The following CAMSAP2 variants were observed in gnomAD, a reference collection of about 807,000 sequenced individuals.
CAMSAP2 encodes calmodulin-regulated spectrin-associated protein 2.
In CAMSAP2, 26 loss-of-function variants were observed where a neutral mutation model predicts 146.1. That is an observed-to-expected ratio of 0.18 (90% confidence interval 0.13 to 0.25). The LOEUF (loss-of-function observed/expected upper bound fraction) is 0.25. Among genes scored for constraint, CAMSAP2 ranks in the 10% least tolerant of loss-of-function variants. CAMSAP2 has a pLI of 1.00. For missense variants in CAMSAP2, 1,381 were observed against 1,759.3 expected (o/e 0.78, Z 3.85); for synonymous variants, 499 against 596.6 (o/e 0.84, Z 2.38).
intron 3 of CAMSAP2, among the ~76,000 whole-genome samples, chr1:200,810,262 G>C (rs71635511): frequency 6.6e-6 from 1 of 152,012 alleles, no homozygotes; most frequent in Admixed American, 6.6e-5. Flanking sequence ...TGACTCTTCC[G>C]GTCTATTGGA....
chr1:200,755,571 C>T (rs1450222056), intron 1 of CAMSAP2, among the ~76,000 whole-genome samples: 1 of 152,136 alleles, frequency 6.6e-6, no homozygotes, highest in African/African-American at 2.4e-5. Flanking sequence ...ATAATTTAAG[C>T]TCAGGAATGC....
At chr1:200,783,035 G>C (rs971641627) in intron 2 of CAMSAP2, among the ~76,000 whole-genome samples, 2 of 151,622 alleles carry the variant, frequency 1.3e-5, no homozygotes, top group African/African-American at 4.9e-5. Context: ...CAAAGTACTG[G>C]ATTACAGGCC....
chr1:200,744,011 T>C (rs190117101), intron 1 of CAMSAP2, among the ~76,000 whole-genome samples: 1 of 152,270 alleles, frequency 6.6e-6, no homozygotes, highest in African/African-American at 2.4e-5. Context: ...GCTCCTACAC[T>C]GTGTGTCAAG....
chr1:200,846,117 A>G (rs1194716489), intron 8 of CAMSAP2, among the ~76,000 whole-genome samples: 3 of 152,228 alleles, frequency 2.0e-5, no homozygotes, highest in African/African-American at 4.8e-5. Context: ...TTCAAAAATT[A>G]TGAGTAAAAC....
At chr1:200,828,534 C>T (rs1666960808) in intron 4 of CAMSAP2, 1 of 1,547,286 alleles carries the variant, frequency 6.5e-7, no homozygotes, top group Admixed American at 2.0e-5. Flanking sequence ...TTCCCTTTAC[C>T]TTTTGCTTTC....
Position 200,857,549 on chromosome 1 carries a change from T to A in CAMSAP2, c.4131+125T>A, listed in dbSNP as rs1023474987. ...TAAAAAGATCTGTAGCTAGATGTTT[T>A]AATTATCAGATTTAGTTTATTTTCA... On this transcript the variant is annotated intron_variant, in intron 16 of 16. Transcript: ENST00000358823. This position sits in a 1 kb window ranked among gnomAD's most constrained non-coding sequence, Gnocchi z 4.7. 5 of 806,898 alleles carry A rather than the reference T, an allele frequency of 6.2e-6. No individual in the cohort carries two copies. The African/African-American group carries it at 8.7e-5, about 14-fold the overall frequency. 50.0% of individuals were successfully genotyped at this position (806,898 alleles called of 1,614,324 possible).
chr1:200,856,504 G>A lies in CAMSAP2; in HGVS notation c.4012+379G>A, dbSNP rs552304576. ...AGTATTAAGAGGCTCTAAAAGATAA[G>A]AATGCATTGAATCTAGGAAGGTATC... On this transcript the variant is annotated intron_variant, in intron 15 of 16. Coordinates refer to ENST00000358823, the MANE Select transcript of CAMSAP2 (RefSeq NM_203459.4). Among the ~76,000 whole-genome samples, 4 of 152,272 alleles carry A rather than the reference G, an allele frequency of 2.6e-5. No homozygotes were observed. The East Asian group carries it at 7.7e-4, about 29-fold the overall frequency.
intron 2 of CAMSAP2, among the ~76,000 whole-genome samples, chr1:200,781,796 G>A (rs756946012): frequency 5.9e-5 from 9 of 151,748 alleles, no homozygotes; most frequent in African/African-American, 1.9e-4. Flanking sequence ...CTCCTGCCTC[G>A]GCCTCCCAAA....
In CAMSAP2 at chr1:200,849,040, A is replaced by G. The variant is rs756220869; in HGVS notation, c.2271A>G (p.Leu757=). 4.8e-5 allele frequency: 77 copies of G among 1,613,990 alleles called. No homozygotes were observed. Among genetic ancestry groups the G allele is most frequent in the Non-Finnish European group, 6.0e-5 (71 of 1,180,008 alleles). ...AAATGGTGCATCTTAGGATGAAACT[A>G]GAAGAAAAGAGGCGTGCTATAGAAG... The part of the protein sequence containing the change: ...ASEMVHLRMK[L]EEKRRAIEAQ... The change falls in exon 11 of 17, where the codon CTA becomes CTG. Residue 757 remains leucine (L), a synonymous_variant. Transcript: ENST00000358823. The surrounding 1 kb of genome is among the most constrained non-coding windows in gnomAD (Gnocchi z 6.3).
chr1:200,857,403 T>C lies in CAMSAP2; in HGVS notation c.4110T>C (p.Gly1370=). Residue 1370 remains glycine (G), a synonymous_variant, in exon 16 of 17, where the codon GGT becomes GGC. Transcript: ENST00000358823. This position sits in a 1 kb window ranked among gnomAD's most constrained non-coding sequence, Gnocchi z 4.7. ...GTTTGGCTGGAAAAGTAAATGAAGG[T>C]CAGAAGAAAAAAATACTGGAGGTAA... ...HCCLAGKVNE[G]QKKKILEEME... is the part of the protein sequence containing the mutation. The C allele has an allele frequency of 6.2e-7, 1 of 1,611,368 alleles. No individual in the cohort carries two copies. The highest frequency in any genetic ancestry group is 8.5e-7 in the Non-Finnish European group (1 of 1,177,958).
At chr1:200,835,400 G>C (rs1271330511) in intron 6 of CAMSAP2, among the ~76,000 whole-genome samples, 1 of 152,188 alleles carries the variant, frequency 6.6e-6, no homozygotes, top group Admixed American at 6.5e-5. Flanking sequence ...ACTATTATAT[G>C]CTAGACACTG....
Position 200,858,161 on chromosome 1 carries a change from T to A in CAMSAP2, c.*102T>A. ...AATTGCCAACAAGACTTTTATTAAT[T>A]AAAACTGGACATTAAGCTCTGTTGT... On this transcript the variant is annotated 3_prime_UTR_variant, in exon 17 of 17. Coordinates refer to ENST00000358823, the MANE Select transcript of CAMSAP2 (RefSeq NM_203459.4). 1 of 1,034,432 alleles carries A rather than the reference T, an allele frequency of 9.7e-7. No individual in the cohort carries two copies. Among genetic ancestry groups the A allele is most frequent in the Non-Finnish European group, 1.4e-6 (1 of 712,838 alleles). 64.1% of individuals were successfully genotyped at this position (1,034,432 alleles called of 1,614,324 possible).
intron 2 of CAMSAP2, among the ~76,000 whole-genome samples, chr1:200,779,173 A>G (rs1049181162): frequency 1.3e-5 from 2 of 152,150 alleles, no homozygotes; most frequent in Admixed American, 1.3e-4. Flanking sequence ...AGGCTGCACA[A>G]TATTCTGTGG....
chr1:200,847,835 A>G, intron 10 of CAMSAP2, 126 bp downstream of exon 10: 1 of 943,048 alleles, frequency 1.1e-6, no homozygotes, highest in African/African-American at 1.7e-5. Context: ...TGAAAAAGGC[A>G]GTATAGGCAG....
rs1006955820 is a variant in CAMSAP2, at chr1:200,855,890, C to T, written c.3897-120C>T. ...GATTACAGGCATGAGCCACCGCGCC[C>T]GGCCTTATCATATTATTTTTAGGCC... On this transcript the variant is annotated intron_variant, in intron 14 of 16. Coordinates refer to ENST00000358823, the MANE Select transcript of CAMSAP2 (RefSeq NM_203459.4). 5.8e-5 allele frequency: 40 copies of T among 686,134 alleles called. 1 individual carries two copies. The highest frequency in any genetic ancestry group is 5.4e-4 in the South Asian group (28 of 51,910). The allele number at this position is 686,134 out of a possible 1,614,324, so 42.5% of individuals were successfully genotyped here.
In CAMSAP2 at chr1:200,848,105, C is replaced by T. The variant is rs1362605814; in HGVS notation, c.1336C>T (p.Arg446Ter). The stretch of plus-strand genomic sequence containing the variant: ...TAGTGTACAGAGATCCACTCCAAAC[C>T]GAGGAATCACTCGTTCTATTAGTAA... The part of the protein sequence containing the change: ...EDSVQRSTPN[R>*]GITRSISNEG... Residue 446 changes from arginine to a stop codon, truncating the protein, a stop_gained, in exon 11 of 17, where the codon CGA becomes TGA. Transcript: ENST00000358823. LOFTEE classifies it high-confidence loss of function. The T allele has an allele frequency of 1.2e-6, 2 of 1,608,168 alleles. No individual in the cohort carries two copies. Among genetic ancestry groups the T allele is most frequent in the African/African-American group, 1.3e-5 (1 of 74,638 alleles).
chr1:200,781,692 C>T (rs999337880), intron 2 of CAMSAP2, among the ~76,000 whole-genome samples: 1 of 151,988 alleles, frequency 6.6e-6, no homozygotes, highest in Non-Finnish European at 1.5e-5. Flanking sequence ...CAGGGATGCT[C>T]ACTATACCCG....
At position 200,857,246 on chromosome 1, in the gene CAMSAP2, T is replaced by G; in HGVS notation, c.4013-60T>G. ...TAGGAACAATTACATCATTTTAAAATAGTAGTATTTCTGACTTAGGAATGT... is the reference window on the plus strand; with the variant it reads ...TAGGAACAATTACATCATTTTAAAAGAGTAGTATTTCTGACTTAGGAATGT... On this transcript the variant is annotated intron_variant, in intron 15 of 16. Coordinates refer to ENST00000358823, the MANE Select transcript of CAMSAP2 (RefSeq NM_203459.4). This position sits in a 1 kb window ranked among gnomAD's most constrained non-coding sequence, Gnocchi z 4.7. 1 of 1,102,204 alleles carries G rather than the reference T, an allele frequency of 9.1e-7. No homozygotes were observed. The highest frequency in any genetic ancestry group is 1.4e-6 in the Non-Finnish European group (1 of 727,234). 68.3% of individuals were successfully genotyped at this position (1,102,204 alleles called of 1,614,324 possible). A position where few individuals can be genotyped will look rare whatever the true frequency, so the allele number is the denominator to read the frequency against.
At chr1:200,843,194 G>T (rs1667371563) in intron 7 of CAMSAP2, among the ~76,000 whole-genome samples, 2 of 151,958 alleles carry the variant, frequency 1.3e-5, no homozygotes, top group African/African-American at 2.4e-5. Flanking sequence ...TGTTATTTTT[G>T]TAACTGCTAC....
Sources: gnomAD v4.1 joint callset for allele counts (sites outside exome capture counted in the v4.1 genomes callset) on GRCh38, gnomAD v4.1.1 for gene constraint, Gnocchi (gnomAD v3.1) non-coding constraint, MANE v1.5 for transcripts, NCBI Gene and HGNC (gene_info 2026-07-23, HGNC 2026-07-21) for gene names.